The following MED27 variants were observed in gnomAD, a reference collection of about 807,000 sequenced individuals.
MED27 encodes mediator complex subunit 27.
Under a neutral mutation model 38.2 loss-of-function variants are expected in MED27, and 30 were observed. The ratio of observed to expected loss-of-function variants is 0.79; its 90% CI spans 0.59 to 1.07. MED27 has a LOEUF of 1.07. MED27 is among the 50% of genes least tolerant of loss of function. MED27 has a pLI of 0.00. For missense variants in MED27, 289 were observed against 397.5 expected, an observed-to-expected ratio of 0.73 and a Z score of 2.32; for synonymous variants, 122 against 153.5, an observed-to-expected ratio of 0.79 and a Z score of 1.52.
At chr9:131,918,979 G>A (rs1348612490) in intron 4 of MED27, among the ~76,000 whole-genome samples, 3 of 152,112 alleles carry the variant, frequency 2.0e-5, no homozygotes, top group African/African-American at 7.2e-5. Flanking sequence ...GGCACAGAAG[G>A]ACATCCACAC....
intron 4 of MED27, among the ~76,000 whole-genome samples, chr9:131,926,011 G>C (rs1331115177): frequency 1.3e-5 from 2 of 152,204 alleles, no homozygotes; most frequent in Non-Finnish European, 2.9e-5. Context: ...CCTCCTCCCA[G>C]CCTGTGAGGC....
At chr9:131,884,734 A>T (rs1279164015) in intron 5 of MED27, among the ~76,000 whole-genome samples, 1 of 150,292 alleles carries the variant, frequency 6.7e-6, no homozygotes, top group African/African-American at 2.5e-5. Context: ...CAGCCTCCTG[A>T]GTGGCTGGGA....
In MED27 at chr9:131,860,393, G is replaced by C; in HGVS notation, c.*145C>G. The C allele has an allele frequency of 1.1e-6, 1 of 900,350 alleles. No homozygotes were observed. The highest frequency in any genetic ancestry group is 1.6e-6 in the Non-Finnish European group (1 of 631,250). 55.8% of individuals were successfully genotyped at this position (900,350 alleles called of 1,614,324 possible). On this transcript the variant is annotated 3_prime_UTR_variant, in exon 8 of 8. Coordinates refer to ENST00000292035, the MANE Select transcript of MED27 (RefSeq NM_004269.4). This position sits in a 1 kb window ranked among gnomAD's most constrained non-coding sequence, Gnocchi z 5.8. Reference sequence around the variant, plus strand: ...AGAGGGAGTCTGCTCTTCAAGAGTGGCCTCTGCACACATGGCGCTGCTTTA... The same window carrying C: ...AGAGGGAGTCTGCTCTTCAAGAGTGCCCTCTGCACACATGGCGCTGCTTTA...
chr9:132,015,638 C>A (rs534482058), intron 2 of MED27, among the ~76,000 whole-genome samples: 1 of 152,308 alleles, frequency 6.6e-6, no homozygotes, highest in African/African-American at 2.4e-5. Flanking sequence ...CCCCTTAGCA[C>A]CTAACATCAG....
intron 3 of MED27, among the ~76,000 whole-genome samples, chr9:131,995,884 A>G (rs966808164): frequency 6.6e-6 from 1 of 152,178 alleles, no homozygotes; most frequent in African/African-American, 2.4e-5. Flanking sequence ...CTCTCCCCTA[A>G]TAGGAAGAAT....
At chr9:131,914,747 C>T (rs1830258548) in intron 4 of MED27, among the ~76,000 whole-genome samples, 1 of 152,148 alleles carries the variant, frequency 6.6e-6, no homozygotes, top group South Asian at 2.1e-4. Context: ...AGCTGCTGTG[C>T]AGATTACATG....
chr9:132,043,865 G>T (rs939281843), intron 2 of MED27, among the ~76,000 whole-genome samples: 2 of 152,150 alleles, frequency 1.3e-5, no homozygotes, highest in Non-Finnish European at 2.9e-5. Context: ...TGACATGCAG[G>T]TCCCACCTTC....
intron 2 of MED27, among the ~76,000 whole-genome samples, chr9:132,041,056 A>G (rs937269859): frequency 2.0e-5 from 3 of 152,252 alleles, no homozygotes; most frequent in Admixed American, 2.0e-4. Flanking sequence ...CACCACGGGC[A>G]GCAGAGAAGA....
intron 4 of MED27, among the ~76,000 whole-genome samples, chr9:131,931,619 C>G (rs1302857329): frequency 6.6e-6 from 1 of 152,114 alleles, no homozygotes; most frequent in Non-Finnish European, 1.5e-5. Flanking sequence ...CAAAAACAGC[C>G]TTCACCTACA....
chr9:131,939,687 C>A (rs1554758130), intron 3 of MED27, among the ~76,000 whole-genome samples: 1 of 152,152 alleles, frequency 6.6e-6, no homozygotes, highest in Non-Finnish European at 1.5e-5. Context: ...CATTTTAAGG[C>A]ATGACTATTA....
At chr9:131,946,802 G>A (rs1830894770) in intron 3 of MED27, among the ~76,000 whole-genome samples, 1 of 152,128 alleles carries the variant, frequency 6.6e-6, no homozygotes, top group Non-Finnish European at 1.5e-5. Context: ...CCCGTGCCTG[G>A]GTCATTCCTA....
Position 132,014,530 on chromosome 9 carries a change from G to A in MED27, c.349-63C>T, listed in dbSNP as rs1832561448. 1.3e-5 allele frequency: 20 copies of A among 1,520,226 alleles called. 1 individual carries two copies. The South Asian group carries it at 2.1e-4, about 16-fold the overall frequency. The allele number at this position is 1,520,226 out of a possible 1,614,324, so 94.2% of individuals were successfully genotyped here. Reference sequence around the variant, plus strand: ...GCATTTGGTAAAAGTAGGACAAATGGTATTAAACTAGCAATGCTTGATAAT... The same window carrying A: ...GCATTTGGTAAAAGTAGGACAAATGATATTAAACTAGCAATGCTTGATAAT... On this transcript the variant is annotated intron_variant, in intron 2 of 7. Coordinates refer to ENST00000292035, the MANE Select transcript of MED27 (RefSeq NM_004269.4).
Position 132,077,566 on chromosome 9 carries a change from T to C in MED27, c.224A>G (p.Asn75Ser), listed in dbSNP as rs756122354. The C allele has an allele frequency of 6.2e-7, 1 of 1,614,118 alleles. No individual in the cohort carries two copies. Among genetic ancestry groups the C allele is most frequent in the Non-Finnish European group, 8.5e-7 (1 of 1,180,014 alleles). The part of the protein sequence containing the change: ...RDLNELERLS[N>S]LVGKPSENHP... ...GTTCTCAGATGGCTTGCCTACCAGA[T>C]TGCTCAGACGTTCCAGCTCACTGAA... The change falls in exon 2 of 8, where the codon AAT (asparagine) becomes AGT (serine). Residue 75 changes from asparagine to serine, a missense_variant. Coordinates refer to ENST00000292035, the MANE Select transcript of MED27 (RefSeq NM_004269.4).
intron 2 of MED27, among the ~76,000 whole-genome samples, chr9:132,062,162 C>T (rs1833710265): frequency 6.6e-6 from 1 of 152,214 alleles, no homozygotes; most frequent in African/African-American, 2.4e-5. Context: ...ACTCATCTAA[C>T]TGAAAGTGTT....
chr9:132,006,380 T>C (rs532324809), intron 3 of MED27, among the ~76,000 whole-genome samples: 1 of 152,268 alleles, frequency 6.6e-6, no homozygotes, highest in South Asian at 2.1e-4. Flanking sequence ...TAAATTCAAC[T>C]CCAATAAAAA....
chr9:131,868,487 G>A, intron 6 of MED27: 1 of 772,818 alleles, frequency 1.3e-6, no homozygotes, highest in Non-Finnish European at 1.6e-6. Flanking sequence ...GTATTGCCCA[G>A]GCTGGTTTCC....
intron 6 of MED27, among the ~76,000 whole-genome samples, chr9:131,867,582 G>A (rs771344292): frequency 3.3e-5 from 5 of 152,202 alleles, no homozygotes; most frequent in African/African-American, 7.2e-5. Flanking sequence ...TTCGAGCTGC[G>A]GCCAAGGAAT....
intron 2 of MED27, among the ~76,000 whole-genome samples, chr9:132,045,572 T>C (rs1833318554): frequency 6.6e-6 from 1 of 152,142 alleles, no homozygotes. Context: ...AACCCAGCCA[T>C]TCACCCTTGA....
intron 4 of MED27, among the ~76,000 whole-genome samples, chr9:131,908,013 T>A (rs1460411205): frequency 6.7e-6 from 1 of 148,846 alleles, no homozygotes; most frequent in African/African-American, 2.5e-5. Flanking sequence ...GAGGAGCCCC[T>A]CCGCCCGGCA....
Sources: gnomAD v4.1 joint callset for allele counts (sites outside exome capture counted in the v4.1 genomes callset) on GRCh38, gnomAD v4.1.1 for gene constraint, Gnocchi (gnomAD v3.1) non-coding constraint, MANE v1.5 for transcripts, NCBI Gene and HGNC (gene_info 2026-07-23, HGNC 2026-07-21) for gene names.